PM20D2: variants seen among roughly 807,000 people sequenced by gnomAD.
PM20D2 encodes the protein peptidase M20 domain containing 2.
PM20D2 carries 33 observed loss-of-function variants against 42.9 expected under a neutral mutation model. That is an observed-to-expected ratio of 0.77 (90% confidence interval 0.58 to 1.03). The LOEUF is 1.03. Ranked by LOEUF, PM20D2 falls within the 50% of genes least tolerant of loss-of-function variation. The pLI is 0.00. For synonymous variants in PM20D2, 250 were observed against 228.2 expected, an observed-to-expected ratio of 1.10 and a Z score of -0.86; for missense variants, 548 against 557.0, an observed-to-expected ratio of 0.98 and a Z score of 0.16.
Position 89,153,082 on chromosome 6 carries a change from T to G in PM20D2, c.654T>G (p.Ala218=). 1 of 1,607,924 alleles carries G rather than the reference T, an allele frequency of 6.2e-7. No homozygotes were observed. Among genetic ancestry groups the G allele is most frequent in the Non-Finnish European group, 8.5e-7 (1 of 1,175,716 alleles). ...ACTATGGAAAAGCATCTCATTCTGCTTCTTATCCCTGGGAAGGATTAAATG... is the reference window on the plus strand; with the variant it reads ...ACTATGGAAAAGCATCTCATTCTGCGTCTTATCCCTGGGAAGGATTAAATG... ...VKYYGKASHS[A]SYPWEGLNAL... is the part of the protein sequence containing the mutation. The change falls in exon 3 of 7, where the codon GCT becomes GCG. Residue 218 remains alanine (A), a synonymous_variant. Transcript: ENST00000275072.
the PM20D2 span, chr6:89,117,802 C>T: frequency 3.7e-5 from 57 of 1,545,498 alleles, no homozygotes; most frequent in South Asian, 1.9e-4. Flanking sequence ...GCGCCCCCAA[C>T]CTGCAGCCGC....
chr6:89,107,423 AAAAG>A, the PM20D2 span, among the ~76,000 whole-genome samples: 1 of 152,164 alleles, frequency 6.6e-6, no homozygotes, highest in Non-Finnish European at 1.5e-5. Context: ...AGAAAGGGAA[AAAAG>A]AAAGGAAAAA....
At chr6:89,119,205 C>G in the PM20D2 span, among the ~76,000 whole-genome samples, 1 of 152,202 alleles carries the variant, frequency 6.6e-6, no homozygotes, top group Non-Finnish European at 1.5e-5. Context: ...GGCACCGTGC[C>G]TATTCCCCTA....
rs1214682990 is a variant in PM20D2, at chr6:89,154,781, T to C, written c.791T>C (p.Ile264Thr). 2 of 1,575,472 alleles carry C rather than the reference T, an allele frequency of 1.3e-6. No individual in the cohort carries two copies. Among genetic ancestry groups the C allele is most frequent in the African/African-American group, 2.7e-5 (2 of 73,006 alleles). Reference protein sequence around the residue: ...IIKNGGVKPNIIPSYSELIYY... With the variant: ...IIKNGGVKPNTIPSYSELIYY... ...AAAAATGGTGGTGTAAAACCCAATA[T>C]CATTCCCTCTTATTCTGAATTAATC... is the stretch of plus-strand genomic sequence containing the variant. The change falls in exon 4 of 7, where the codon ATC (isoleucine) becomes ACC (threonine). Residue 264 changes from isoleucine to threonine, a missense_variant. Coordinates refer to ENST00000275072, the MANE Select transcript of PM20D2 (RefSeq NM_001010853.3).
At chr6:89,116,288 C>T in the PM20D2 span, among the ~76,000 whole-genome samples, 2 of 152,144 alleles carry the variant, frequency 1.3e-5, no homozygotes, top group Non-Finnish European at 2.9e-5. Context: ...GATGCTTATT[C>T]CATTTTCAAG....
the PM20D2 span, among the ~76,000 whole-genome samples, chr6:89,108,565 AAAATGTGGCTCGGGAG>A: frequency 6.6e-6 from 1 of 152,244 alleles, no homozygotes; most frequent in Non-Finnish European, 1.5e-5. Flanking sequence ...CTATGATCAT[AAAATGTGGCTCGGGAG>A]AAATAAAGAT....
the PM20D2 span, among the ~76,000 whole-genome samples, chr6:89,127,051 C>G: frequency 6.6e-6 from 1 of 151,626 alleles, no homozygotes; most frequent in Non-Finnish European, 1.5e-5. Flanking sequence ...AAAAAACAAC[C>G]CTAATTGGTC....
At chr6:89,114,819 C>CA in the PM20D2 span, among the ~76,000 whole-genome samples, 1 of 152,260 alleles carries the variant, frequency 6.6e-6, no homozygotes, top group Admixed American at 6.5e-5. Flanking sequence ...GTTTTTGAGA[C>CA]AGAGTCTCGC....
chr6:89,142,681 G>A (rs147036422), upstream of PM20D2, among the ~76,000 whole-genome samples: 1,896 of 151,816 alleles, frequency 0.012, 51 homozygotes, highest in African/African-American at 0.044. Context: ...TTTTTGAGAC[G>A]GAGTCTCGCT....
chr6:89,094,246 CAA>C, the PM20D2 span, among the ~76,000 whole-genome samples: 11 of 148,720 alleles, frequency 7.4e-5, no homozygotes, highest in African/African-American at 2.0e-4. Context: ...TTTTTTGAGA[CAA>C]GAGTCACTCT....
chr6:89,130,681 A>T, the PM20D2 span, among the ~76,000 whole-genome samples: 1 of 152,062 alleles, frequency 6.6e-6, no homozygotes, highest in South Asian at 2.1e-4. Context: ...GCTGGTCTCA[A>T]ACTCCTGAGC....
At chr6:89,117,986 G>C in the PM20D2 span, 1 of 1,320,444 alleles carries the variant, frequency 7.6e-7, no homozygotes, top group Non-Finnish European at 1.0e-6. Flanking sequence ...GCCGGCCCCC[G>C]GCGCGACCCC....
chr6:89,149,445 G>A, intron 2 of PM20D2, 32 bp downstream of exon 2: 1 of 1,607,504 alleles, frequency 6.2e-7, no homozygotes, highest in Non-Finnish European at 8.5e-7. Flanking sequence ...AAACTTCTTA[G>A]GGGAACACAG....
the PM20D2 span, among the ~76,000 whole-genome samples, chr6:89,115,075 C>T: frequency 1.3e-5 from 2 of 152,000 alleles, no homozygotes; most frequent in African/African-American, 2.4e-5. Flanking sequence ...GGATTATAGG[C>T]GTGAGCCACC....
At chr6:89,124,385 T>G in the PM20D2 span, among the ~76,000 whole-genome samples, 1 of 152,214 alleles carries the variant, frequency 6.6e-6, no homozygotes, top group Non-Finnish European at 1.5e-5. Flanking sequence ...TATCTTTAAT[T>G]TTTGAGAGAC....
rs374500527 is a variant in PM20D2 at position 89,162,450 on chromosome 6, G to T, written c.*187G>T. 1 of 533,828 alleles carries T rather than the reference G, an allele frequency of 1.9e-6. No homozygotes were observed. Among genetic ancestry groups the T allele is most frequent in the Non-Finnish European group, 3.2e-6 (1 of 313,172 alleles). 33.1% of individuals were successfully genotyped at this position (533,828 alleles called of 1,614,324 possible). Reference sequence around the variant, plus strand: ...CTAAAGTGAAAATTTTTGCAAATCCGTACTTGATAGGATTATGATATTACA... The same window carrying T: ...CTAAAGTGAAAATTTTTGCAAATCCTTACTTGATAGGATTATGATATTACA... On this transcript the variant is annotated 3_prime_UTR_variant, in exon 7 of 7. Transcript: ENST00000275072.
At chr6:89,142,630 T>G (rs562314235), upstream of PM20D2, among the ~76,000 whole-genome samples, 1 of 152,164 alleles carries the variant, frequency 6.6e-6, no homozygotes, top group Admixed American at 6.5e-5. Flanking sequence ...ATTTTTGCAC[T>G]TTTTATTCCT....
chr6:89,142,143 T>G (rs1225762564), upstream of PM20D2, among the ~76,000 whole-genome samples: 1 of 152,124 alleles, frequency 6.6e-6, no homozygotes, highest in Admixed American at 6.5e-5. Flanking sequence ...TCCTTAGCAA[T>G]GTGTTGTACA....
In PM20D2 at chr6:89,146,200, A is replaced by T; in HGVS notation, c.56A>T (p.Glu19Val). 1.9e-6 allele frequency: 3 copies of T among 1,561,908 alleles called. No individual in the cohort carries two copies. Among genetic ancestry groups the T allele is most frequent in the Non-Finnish European group, 1.7e-6 (2 of 1,162,222 alleles). Residue 19 changes from glutamate (E) to valine (V), a missense_variant, in exon 1 of 7, where the codon GAG becomes GTG. Physicochemically the swap from Glu to Val is moderately radical, Grantham distance 121 (BLOSUM62 -2). Transcript: ENST00000275072. ...GGGGGCGCGTGCAATGGCCGCTCCG[A>T]GCTGGAGCTACTGAAGCTGCGCTCG... ...VEGGACNGRS[E>V]LELLKLRSAE...
Sources: gnomAD v4.1 joint callset for allele counts (sites outside exome capture counted in the v4.1 genomes callset) on GRCh38, gnomAD v4.1.1 for gene constraint, MANE v1.5 for transcripts, NCBI Gene and HGNC (gene_info 2026-07-23, HGNC 2026-07-21) for gene names.